DCDC1: variants seen among roughly 807,000 people sequenced by gnomAD.
The protein encoded by DCDC1 is doublecortin domain-containing protein 1.
A neutral mutation model predicts 178.3 loss-of-function variants in DCDC1; 200 were observed. That is an observed-to-expected ratio of 1.12 (90% CI 1.00 to 1.26). The LOEUF is 1.26. Among genes scored for constraint, DCDC1 ranks in the 50% most tolerant of loss-of-function variants. The probability of loss-of-function intolerance (pLI) is 0.00; values close to 1 mark genes in which losing one functional copy is unlikely to be tolerated. For missense variants in DCDC1, 1,983 were observed against 1,749.2 expected (o/e 1.13, Z -2.38); for synonymous variants, 690 against 604.8 (o/e 1.14, Z -2.07).
chr11:31,312,997 A>G (rs1013162742), intron 3 of DCDC1, among the ~76,000 whole-genome samples: 1 of 152,122 alleles, frequency 6.6e-6, no homozygotes, highest in Non-Finnish European at 1.5e-5. Flanking sequence ...CTCTAAAAAA[A>G]ATTACAAAAA....
chr11:31,031,692 G>T (rs1392705795), intron 20 of DCDC1, among the ~76,000 whole-genome samples: 1 of 151,930 alleles, frequency 6.6e-6, no homozygotes, highest in East Asian at 1.9e-4. Context: ...AAGAAAGCCA[G>T]CAATATTGTG....
At chr11:30,870,847 T>A (rs950519489) in intron 38 of DCDC1, among the ~76,000 whole-genome samples, 1 of 152,242 alleles carries the variant, frequency 6.6e-6, no homozygotes, top group Non-Finnish European at 1.5e-5. Context: ...TCTCACTGAC[T>A]GATTAGGAAT....
Position 30,892,970 on chromosome 11 carries a change from CCATTTCTTGGATTT to C in DCDC1, c.4916_4929del (p.Glu1639GlyfsTer22), listed in dbSNP as rs1299029699. 1.2e-6 allele frequency: 2 copies of C among 1,613,786 alleles called. No individual in the cohort carries two copies. Among genetic ancestry groups the C allele is most frequent in the African/African-American group, 2.7e-5 (2 of 75,004 alleles). ...GCAATTGGAAAATTTATTTTGGATTCCATTTCTTGGATTTCAGAAAGGTGTGCCTGTCAAGAAAA... is the reference window on the plus strand; with the variant it reads ...GCAATTGGAAAATTTATTTTGGATTCCAGAAAGGTGTGCCTGTCAAGAAAA... On this transcript the variant is annotated frameshift_variant, in exon 36 of 39. Transcript: ENST00000684477. LOFTEE classifies it high-confidence loss of function.
intron 9 of DCDC1, among the ~76,000 whole-genome samples, chr11:31,143,307 T>A (rs1224861137): frequency 1.3e-5 from 2 of 152,166 alleles, no homozygotes; most frequent in African/African-American, 4.8e-5. Context: ...TTATTATTTT[T>A]AATTAATAAT....
chr11:31,003,163 CTG>C (rs58597935), intron 20 of DCDC1, among the ~76,000 whole-genome samples: 2,037 of 151,736 alleles, frequency 0.013, 49 homozygotes, highest in African/African-American at 0.048. Flanking sequence ...TATATTCCCT[CTG>C]TTTTCCCCAT....
chr11:31,322,350 T>C (rs1047773800), intron 3 of DCDC1, among the ~76,000 whole-genome samples: 22 of 152,300 alleles, frequency 1.4e-4, no homozygotes, highest in Non-Finnish European at 2.9e-4. Flanking sequence ...ATGTAAGTCA[T>C]TTCCCCCATT....
chr11:31,031,389 T>C (rs1262428553), intron 20 of DCDC1, among the ~76,000 whole-genome samples: 1 of 152,184 alleles, frequency 6.6e-6, no homozygotes, highest in Non-Finnish European at 1.5e-5. Context: ...ATCAAAGAGC[T>C]ATGTATGTAA....
intron 21 of DCDC1, 47 bp downstream of exon 21, chr11:30,952,398 C>A: frequency 6.8e-7 from 1 of 1,478,722 alleles, no homozygotes; most frequent in South Asian, 1.4e-5. Context: ...CACAACTGGG[C>A]CTTAAAGTAA....
intron 10 of DCDC1, among the ~76,000 whole-genome samples, chr11:31,129,974 G>A (rs568696570): frequency 1.4e-4 from 22 of 151,806 alleles, no homozygotes; most frequent in African/African-American, 2.2e-4. Flanking sequence ...ACACATACAC[G>A]CATCCCTTCC....
At chr11:31,000,877 C>T (rs1235795583) in intron 20 of DCDC1, among the ~76,000 whole-genome samples, 2 of 151,998 alleles carry the variant, frequency 1.3e-5, no homozygotes, top group African/African-American at 4.8e-5. Context: ...AAAAAAGTCC[C>T]ATATACCCTT....
rs12418402 is a variant in DCDC1, at chr11:31,239,345, G to T, written c.1221+2105C>A. 6.6e-5 allele frequency among the ~76,000 whole-genome samples: 10 copies of T among 152,058 alleles called. No individual in the cohort carries two copies. The East Asian group carries it at 1.9e-3, about 29-fold the overall frequency. On this transcript the variant is annotated intron_variant, in intron 9 of 38. Transcript: ENST00000684477. ...CTAGGAAATCCCACTCACAAATAAA[G>T]ATATTGTCAGGCTTAACACCTAAGC...
intron 6 of DCDC1, 78 bp downstream of exon 6, chr11:31,305,537 A>T (rs997162219): frequency 3.9e-6 from 6 of 1,521,054 alleles, no homozygotes; most frequent in Non-Finnish European, 5.3e-6. Context: ...AAAAGACAGG[A>T]TGAAAATCAT....
At chr11:31,004,768 A>G (rs1282715046) in intron 20 of DCDC1, among the ~76,000 whole-genome samples, 1 of 151,596 alleles carries the variant, frequency 6.6e-6, no homozygotes. Flanking sequence ...CAGTGTAACC[A>G]TGGACAAGTT....
intron 20 of DCDC1, among the ~76,000 whole-genome samples, chr11:31,019,158 A>G (rs1590779063): frequency 6.6e-6 from 1 of 152,208 alleles, no homozygotes; most frequent in Non-Finnish European, 1.5e-5. Context: ...GAGAGTTACA[A>G]TAACACAGAC....
chr11:31,047,101 C>T (rs564030989), intron 20 of DCDC1, among the ~76,000 whole-genome samples: 4 of 152,034 alleles, frequency 2.6e-5, no homozygotes, highest in Non-Finnish European at 5.9e-5. Context: ...TGTGGAAATT[C>T]CATTTGAGTC....
intron 25 of DCDC1, among the ~76,000 whole-genome samples, chr11:30,920,425 CAT>C (rs1342569553): frequency 1.3e-5 from 2 of 152,148 alleles, no homozygotes; most frequent in Non-Finnish European, 2.9e-5. Context: ...TGTATATTAA[CAT>C]GTGTCAACTT....
intron 8 of DCDC1, among the ~76,000 whole-genome samples, chr11:31,246,425 A>C (rs1356196919): frequency 6.6e-6 from 1 of 151,866 alleles, no homozygotes; most frequent in African/African-American, 2.4e-5. Context: ...AAATACACCA[A>C]GACATTTGGG....
chr11:31,232,980 CG>C (rs1975985564), intron 9 of DCDC1, among the ~76,000 whole-genome samples: 1 of 151,482 alleles, frequency 6.6e-6, no homozygotes, highest in African/African-American at 2.4e-5. Flanking sequence ...GCCAGCTACT[CG>C]GGAGGCTGAA....
Position 31,094,120 on chromosome 11 carries a change from T to C in DCDC1, c.2048A>G (p.Glu683Gly). Reference protein sequence around the residue: ...SIGKWSFSGSEASSRSQIAPS... With the variant: ...SIGKWSFSGSGASSRSQIAPS... ...CGCTATTTGACTCCTGCTGCTTGCTTCACTGCCTGAGAAACTCCACTTTCC... is the reference window on the plus strand; with the variant it reads ...CGCTATTTGACTCCTGCTGCTTGCTCCACTGCCTGAGAAACTCCACTTTCC... The change falls in exon 16 of 39, where the codon GAA (glutamate) becomes GGA (glycine). Residue 683 changes from glutamate (E) to glycine (G), a missense_variant. Coordinates refer to ENST00000684477, the MANE Select transcript of DCDC1 (RefSeq NM_001387274.1). 1 of 766,212 alleles carries C rather than the reference T, an allele frequency of 1.3e-6. No individual in the cohort carries two copies. The highest frequency in any genetic ancestry group is 2.4e-6 in the Non-Finnish European group (1 of 417,804). The allele number at this position is 766,212 out of a possible 1,614,324, so 47.5% of individuals were successfully genotyped here.
Sources: gnomAD v4.1 joint callset for allele counts (sites outside exome capture counted in the v4.1 genomes callset) on GRCh38, gnomAD v4.1.1 for gene constraint, MANE v1.5 for transcripts, NCBI Gene and HGNC (gene_info 2026-07-23, HGNC 2026-07-21) for gene names.